NEDD4L: variants seen among roughly 807,000 people sequenced by gnomAD.
NEDD4L encodes the protein E3 ubiquitin-protein ligase NEDD4-like.
In NEDD4L, 54 loss-of-function variants were observed where a neutral mutation model predicts 148.9. That is an observed-to-expected ratio of 0.36 (90% CI 0.29 to 0.45). The LOEUF (loss-of-function observed/expected upper bound fraction) is 0.45, where lower values mean the gene tolerates loss of function less well. Among genes scored for constraint, NEDD4L ranks in the 20% least tolerant of loss-of-function variants. The pLI, the probability that NEDD4L is intolerant of heterozygous loss-of-function variation, is 1.00. For missense variants in NEDD4L, 856 were observed against 1,233.8 expected, an observed-to-expected ratio of 0.69 and a Z score of 4.59; for synonymous variants, 433 against 440.7, an observed-to-expected ratio of 0.98 and a Z score of 0.22.
intron 19 of NEDD4L, chr18:58,357,461 G>T (rs751951548): frequency 1.0e-5 from 7 of 696,490 alleles, no homozygotes; most frequent in Non-Finnish European, 1.8e-5. Flanking sequence ...CATTATAAAG[G>T]AAAACAGCTT....
intron 5 of NEDD4L, among the ~76,000 whole-genome samples, chr18:58,311,301 G>A (rs1332853138): frequency 6.6e-6 from 1 of 152,138 alleles, no homozygotes; most frequent in African/African-American, 2.4e-5. Flanking sequence ...TACCATTTGT[G>A]GGACTGTAAC....
rs1422078773 is a variant in NEDD4L, at chr18:58,076,143, CT to C, written c.48+31442del. Among the ~76,000 whole-genome samples the C allele has an allele frequency of 7.9e-5, 12 of 152,144 alleles. No homozygotes were observed. The South Asian group carries it at 1.2e-3, about 16-fold the overall frequency. On this transcript the variant is annotated intron_variant, in intron 1 of 30. Transcript: ENST00000400345. Reference sequence around the variant, plus strand: ...GGCTCAGTGAAAATGTTGCTGTTTGCTTTTTTTGTGGTCAGGATTTTTTGAT... The same window carrying C: ...GGCTCAGTGAAAATGTTGCTGTTTGCTTTTTTGTGGTCAGGATTTTTTGAT...
At chr18:58,261,820 G>A (rs1424154638) in intron 5 of NEDD4L, among the ~76,000 whole-genome samples, 3 of 152,230 alleles carry the variant, frequency 2.0e-5, no homozygotes, top group South Asian at 2.1e-4. Flanking sequence ...TACTGTGGGC[G>A]ATACAGGTTA....
At chr18:58,112,550 G>A (rs1043618312) in intron 1 of NEDD4L, among the ~76,000 whole-genome samples, 1 of 152,094 alleles carries the variant, frequency 6.6e-6, no homozygotes, top group African/African-American at 2.4e-5. Context: ...GTGCAGTGGT[G>A]TGATCTTGGT....
intron 6 of NEDD4L, among the ~76,000 whole-genome samples, chr18:58,321,536 A>T (rs1484497587): frequency 6.6e-6 from 1 of 152,254 alleles, no homozygotes; most frequent in African/African-American, 2.4e-5. Flanking sequence ...TTTTCAGTTT[A>T]TTATGAGAGG....
intron 5 of NEDD4L, among the ~76,000 whole-genome samples, chr18:58,305,740 T>C (rs1395312186): frequency 6.6e-6 from 1 of 152,234 alleles, no homozygotes; most frequent in Non-Finnish European, 1.5e-5. Flanking sequence ...TTGGTTTAAT[T>C]TGTTTTACAA....
chr18:58,361,428 G>A (rs1018348977), intron 19 of NEDD4L, among the ~76,000 whole-genome samples: 1 of 152,206 alleles, frequency 6.6e-6, no homozygotes, highest in African/African-American at 2.4e-5. Flanking sequence ...CTCATGTTGT[G>A]TAACACTTTC....
intron 2 of NEDD4L, among the ~76,000 whole-genome samples, chr18:58,206,984 TTG>T (rs1381605123): frequency 6.6e-6 from 1 of 152,190 alleles, no homozygotes; most frequent in Non-Finnish European, 1.5e-5. Context: ...GACCTTTGAA[TTG>T]TGTCTCCCCT....
At chr18:58,218,698 A>G (rs2043408489) in intron 2 of NEDD4L, among the ~76,000 whole-genome samples, 1 of 152,176 alleles carries the variant, frequency 6.6e-6, no homozygotes, top group East Asian at 1.9e-4. Context: ...ACAACCAAGA[A>G]TTACCCAGCC....
intron 1 of NEDD4L, among the ~76,000 whole-genome samples, chr18:58,085,042 C>T (rs1207579269): frequency 1.3e-5 from 2 of 152,118 alleles, no homozygotes; most frequent in East Asian, 1.9e-4. Context: ...CATTGCGTGT[C>T]CACATTTCCT....
intron 2 of NEDD4L, among the ~76,000 whole-genome samples, chr18:58,214,884 TCA>T (rs780090454): frequency 6.0e-5 from 9 of 150,488 alleles, no homozygotes; most frequent in Non-Finnish European, 1.2e-4. Context: ...CCATCTCAGC[TCA>T]CTGCAACCTC....
At chr18:58,225,796 A>C (rs1246133813) in intron 2 of NEDD4L, among the ~76,000 whole-genome samples, 8 of 152,158 alleles carry the variant, frequency 5.3e-5, no homozygotes. Context: ...GGTGGAGGAG[A>C]CCCATAATAG....
intron 2 of NEDD4L, among the ~76,000 whole-genome samples, chr18:58,189,474 G>C (rs1028617471): frequency 1.3e-5 from 2 of 152,194 alleles, no homozygotes; most frequent in African/African-American, 4.8e-5. Flanking sequence ...AACCTGTACA[G>C]CTAGACTGTT....
At chr18:58,195,446 C>T (rs778878524) in intron 2 of NEDD4L, 12 of 1,320,878 alleles carry the variant, frequency 9.1e-6, no homozygotes, top group East Asian at 4.7e-5. Context: ...CAGGCATCCG[C>T]GGCAGCAGCT....
chr18:58,248,153 C>T (rs968456842), intron 3 of NEDD4L, among the ~76,000 whole-genome samples: 10 of 152,196 alleles, frequency 6.6e-5, no homozygotes, highest in Non-Finnish European at 1.5e-4. Flanking sequence ...TGTGCAGATG[C>T]ATGAACACAC....
intron 12 of NEDD4L, 161 bp downstream of exon 12, chr18:58,334,053 A>G (rs1372621779): frequency 2.0e-5 from 10 of 495,004 alleles, no homozygotes; most frequent in Admixed American, 7.5e-5. Flanking sequence ...GTGGATTTCC[A>G]ATACAGAGAA....
intron 24 of NEDD4L, among the ~76,000 whole-genome samples, chr18:58,378,687 C>T (rs1490428401): frequency 6.6e-6 from 1 of 152,190 alleles, no homozygotes; most frequent in African/African-American, 2.4e-5. Context: ...AGGCCGTGCC[C>T]TGCAGGATTT....
chr18:58,153,688 C>T (rs979020059), intron 1 of NEDD4L, among the ~76,000 whole-genome samples: 2 of 152,046 alleles, frequency 1.3e-5, no homozygotes, highest in African/African-American at 4.8e-5. Flanking sequence ...GCTCTGTCCC[C>T]CAGGCTGGAG....
intron 5 of NEDD4L, among the ~76,000 whole-genome samples, chr18:58,282,093 G>C (rs1440894393): frequency 7.5e-6 from 1 of 132,516 alleles, no homozygotes; most frequent in Non-Finnish European, 1.6e-5. Context: ...AAAAGGTAAG[G>C]TTGTATCTAG....
Sources: allele counts gnomAD v4.1 joint callset (sites outside exome capture counted in the v4.1 genomes callset), GRCh38; gene constraint gnomAD v4.1.1; transcripts MANE v1.5; gene names NCBI Gene and HGNC (gene_info 2026-07-23, HGNC 2026-07-21).